The following CCDC82 variants were observed in gnomAD, a reference collection of about 807,000 sequenced individuals.
CCDC82 encodes the protein coiled-coil domain-containing protein 82.
A neutral mutation model predicts 60.6 loss-of-function variants in CCDC82; 47 were observed. The ratio of observed to expected loss-of-function variants is 0.77; its 90% CI spans 0.61 to 0.99. The LOEUF (loss-of-function observed/expected upper bound fraction) is 0.99. Among genes scored for constraint, CCDC82 ranks in the 50% least tolerant of loss-of-function variants. The probability of loss-of-function intolerance (pLI) is 0.00; values close to 1 mark genes in which losing one functional copy is unlikely to be tolerated. For synonymous variants in CCDC82, 212 were observed against 207.4 expected (o/e 1.02, Z -0.19); for missense variants, 588 against 633.0 (o/e 0.93, Z 0.76).
Position 96,364,992 on chromosome 11 carries a change from T to G in CCDC82, c.1368A>C (p.Ser456=), listed in dbSNP as rs753859839. The G allele has an allele frequency of 1.9e-6, 3 of 1,599,656 alleles. No homozygotes were observed. The highest frequency in any genetic ancestry group is 1.7e-6 in the Non-Finnish European group (2 of 1,175,468). Residue 456 remains serine (S), a synonymous_variant, in exon 8 of 10, where the codon TCA becomes TCC. Transcript: ENST00000646818. ...TRTMQIDNFM[S]HDKQVFTVGR... Reference sequence around the variant, plus strand: ...GGGAAGAAAATACCTGTTTATCATGTGACATGAAATTATCTATTTGCATGG... The same window carrying G: ...GGGAAGAAAATACCTGTTTATCATGGGACATGAAATTATCTATTTGCATGG...
intron 9 of CCDC82, chr11:96,356,488 A>G (rs896183134): frequency 1.0e-6 from 1 of 985,408 alleles, no homozygotes; most frequent in African/African-American, 1.7e-5. Flanking sequence ...GTGTTTATGC[A>G]TCCACCAGCC....
chr11:96,360,199 T>TA (rs558172122), intron 8 of CCDC82, among the ~76,000 whole-genome samples: 15,114 of 117,402 alleles, frequency 0.13, 1,004 homozygotes, highest in Middle Eastern at 0.25. Context: ...TATATATATA[T>TA]TTTTTTTGTT....
chr11:96,353,279 T>A lies in CCDC82; in HGVS notation c.*367A>T, dbSNP rs1864173512. 5.8e-6 allele frequency: 1 copy of A among 173,320 alleles called. No homozygotes were observed. The highest frequency in any genetic ancestry group is 1.2e-5 in the Non-Finnish European group (1 of 82,276). The allele number at this position is 173,320 out of a possible 1,614,324, so 10.7% of individuals were successfully genotyped here. On this transcript the variant is annotated 3_prime_UTR_variant, in exon 10 of 10. Coordinates refer to ENST00000646818, the MANE Select transcript of CCDC82 (RefSeq NM_024725.4). ...AAGAATAAACAGATCTGGACAGGAATTCCGTAAAAATACATGTAGACGTTA... is the reference window on the plus strand; with the variant it reads ...AAGAATAAACAGATCTGGACAGGAAATCCGTAAAAATACATGTAGACGTTA...
intron 7 of CCDC82, among the ~76,000 whole-genome samples, chr11:96,368,071 C>T (rs529083800): frequency 2.6e-5 from 4 of 152,168 alleles, no homozygotes; most frequent in East Asian, 3.9e-4. Context: ...TCCACCACCT[C>T]GGCCACCCAA....
Position 96,371,028 on chromosome 11 carries a change from C to G in CCDC82, c.1194G>C (p.Trp398Cys). Residue 398 changes from tryptophan to cysteine, a missense_variant, in exon 7 of 10, where the codon TGG becomes TGC. Transcript: ENST00000646818. ...AACTGTGTACCTTATATTGCTCTTT[C>G]CAACGACTTCTAGATACCAAGCTCT... The part of the protein sequence containing the change: ...RLESLVSRSR[W>C]KEQYKERVEN... The G allele has an allele frequency of 1.3e-6, 2 of 1,593,906 alleles. No homozygotes were observed. Among genetic ancestry groups the G allele is most frequent in the Non-Finnish European group, 1.7e-6 (2 of 1,171,690 alleles).
chr11:96,356,936 G>A (rs189550536), intron 9 of CCDC82: 9 of 985,298 alleles, frequency 9.1e-6, no homozygotes, highest in Admixed American at 6.2e-5. Context: ...CAAATAGTAC[G>A]TGTAAGGCAA....
At chr11:96,382,349 A>G (rs1865917118) in intron 5 of CCDC82, 2 of 151,900 alleles carry the variant, frequency 1.3e-5, no homozygotes, top group African/African-American at 2.4e-5. Flanking sequence ...TTAAAGCAGA[A>G]ATTAGAATTT....
intron 7 of CCDC82, 26 bp downstream of exon 7, chr11:96,370,987 C>A (rs1297782182): frequency 1.3e-6 from 2 of 1,489,672 alleles, no homozygotes; most frequent in East Asian, 5.0e-5. Context: ...AACCCCCAAG[C>A]AGAGATTCAA....
At chr11:96,371,675 C>T (rs1865284629) in intron 6 of CCDC82, among the ~76,000 whole-genome samples, 1 of 152,218 alleles carries the variant, frequency 6.6e-6, no homozygotes, top group Non-Finnish European at 1.5e-5. Context: ...CTTTTATTCT[C>T]TTATACAAAA....
At chr11:96,356,109 G>C (rs1864334290) in intron 9 of CCDC82, 1 of 152,082 alleles carries the variant, frequency 6.6e-6, no homozygotes, top group African/African-American at 2.4e-5. Context: ...TAAAAATATT[G>C]GATGTTTAAC....
At position 96,387,631 on chromosome 11, in the gene CCDC82, G is replaced by C. The variant is rs1369877925; in HGVS notation, c.-138-18C>G. 2 of 152,114 alleles carry C rather than the reference G, an allele frequency of 1.3e-5. No individual in the cohort carries two copies. The highest frequency in any genetic ancestry group is 3.8e-4 in the East Asian group (2 of 5,198). The allele number at this position is 152,114 out of a possible 1,614,324, so 9.4% of individuals were successfully genotyped here. On this transcript the variant is annotated intron_variant, in intron 1 of 9. Coordinates refer to ENST00000646818, the MANE Select transcript of CCDC82 (RefSeq NM_024725.4). ...AATGACGGCTGCCAATATCACATTT[G>C]TACAAGATAGTAAAAATTAAGCCTT...
chr11:96,385,650 T>C (rs1866152075), intron 3 of CCDC82: 1 of 152,106 alleles, frequency 6.6e-6, no homozygotes, highest in African/African-American at 2.4e-5. Flanking sequence ...TCCAATAATG[T>C]AGTTAAGTGA....
In CCDC82 at chr11:96,384,706, CTT is replaced by C. The variant is rs761825366; in HGVS notation, c.40_41del (p.Lys14GlufsTer5). 2 of 1,609,452 alleles carry C rather than the reference CTT, an allele frequency of 1.2e-6. No individual in the cohort carries two copies. The part of the protein sequence containing the change: ...VRRHETRRNS[K>X]SHVPEQKSRV... ...GAGATTTCTGCTCAGGCACGTGACT[CTT>C]AGAATTTCTCCTTGTTTCATGTCTT... On this transcript the variant is annotated frameshift_variant, in exon 4 of 10. Coordinates refer to ENST00000646818, the MANE Select transcript of CCDC82 (RefSeq NM_024725.4). LOFTEE classifies it high-confidence loss of function.
At chr11:96,368,348 A>G (rs1034063775) in intron 7 of CCDC82, among the ~76,000 whole-genome samples, 2 of 152,096 alleles carry the variant, frequency 1.3e-5, no homozygotes, top group African/African-American at 4.8e-5. Context: ...TATTCAGTAA[A>G]CTATGCTATA....
chr11:96,357,249 C>A (rs555436502), intron 9 of CCDC82: 2 of 985,360 alleles, frequency 2.0e-6, no homozygotes, highest in South Asian at 9.4e-5. Context: ...TCTAGGAAAT[C>A]TTTTGAGAAA....
chr11:96,382,210 G>C (rs981970767), intron 5 of CCDC82: 1 of 151,824 alleles, frequency 6.6e-6, no homozygotes, highest in Non-Finnish European at 1.5e-5. Flanking sequence ...TTATTTGAAA[G>C]AAAGAGTGAC....
chr11:96,369,987 T>C (rs1046199285), intron 7 of CCDC82, among the ~76,000 whole-genome samples: 9 of 152,216 alleles, frequency 5.9e-5, no homozygotes, highest in African/African-American at 1.9e-4. Context: ...TTTCCACCTA[T>C]GAAGAAGAAA....
chr11:96,389,314 A>C (rs2136235175), intron 1 of CCDC82: 1 of 152,332 alleles, frequency 6.6e-6, no homozygotes, highest in Admixed American at 6.5e-5. Flanking sequence ...ACAGTGGAAT[A>C]GATCCTCTCA....
chr11:96,369,320 G>C (rs894484806), intron 7 of CCDC82, among the ~76,000 whole-genome samples: 3 of 152,224 alleles, frequency 2.0e-5, no homozygotes, highest in South Asian at 4.1e-4. Flanking sequence ...TCTGGCACAA[G>C]AGCAAGAGGC....
Sources: gnomAD v4.1 joint callset for allele counts (sites outside exome capture counted in the v4.1 genomes callset) on GRCh38, gnomAD v4.1.1 for gene constraint, MANE v1.5 for transcripts, NCBI Gene and HGNC (gene_info 2026-07-23, HGNC 2026-07-21) for gene names.